The following LRP1B variants were observed in gnomAD, a reference collection of about 807,000 sequenced individuals.
LRP1B encodes the protein LDL receptor related protein 1B, also known as low-density lipoprotein receptor-related protein 1B.
LRP1B carries 217 observed loss-of-function variants against 556.6 expected under a neutral mutation model. The observed-to-expected ratio is 0.39, with a 90% CI of 0.35 to 0.44. LRP1B has a LOEUF of 0.44. Ranked by LOEUF, LRP1B falls within the 20% of genes least tolerant of loss-of-function variation. The pLI, the probability that LRP1B is intolerant of heterozygous loss-of-function variation, is 1.00. For missense variants in LRP1B, 5,053 were observed against 5,620.8 expected (o/e 0.90, Z 3.23); for synonymous variants, 2,047 against 1,865.8 (o/e 1.10, Z -2.50).
rs181280538 is a variant in LRP1B at position 140,911,657 on chromosome 2, A to G, written c.3320-3580T>C. 1.6e-3 allele frequency among the ~76,000 whole-genome samples: 249 copies of G among 151,918 alleles called. 1 individual carries two copies. The highest frequency in any genetic ancestry group is 5.5e-3 in the African/African-American group (227 of 41,562). ...AGAAAAGATCAATGCATAATATATCATTGTAGTCTAAAATATGACATTCTA... is the reference window on the plus strand; with the variant it reads ...AGAAAAGATCAATGCATAATATATCGTTGTAGTCTAAAATATGACATTCTA... On this transcript the variant is annotated intron_variant, in intron 21 of 90. Transcript: ENST00000389484.
chr2:141,214,274 A>G (rs1371696842), intron 6 of LRP1B, among the ~76,000 whole-genome samples: 3 of 152,198 alleles, frequency 2.0e-5, no homozygotes, highest in Admixed American at 1.3e-4. Flanking sequence ...ATTGTTTAAC[A>G]TAATTTATCT....
intron 1 of LRP1B, among the ~76,000 whole-genome samples, chr2:142,121,490 A>G (rs531635692): frequency 1.1e-3 from 169 of 152,232 alleles, no homozygotes; most frequent in Admixed American, 3.7e-3. Flanking sequence ...CTTTCTTTAA[A>G]ATACCAAAAT....
intron 18 of LRP1B, among the ~76,000 whole-genome samples, chr2:140,976,031 C>A (rs537102852): frequency 1.3e-5 from 2 of 152,130 alleles, no homozygotes; most frequent in African/African-American, 4.8e-5. Context: ...GATCATACCA[C>A]CTTAGCCTCC....
intron 41 of LRP1B, among the ~76,000 whole-genome samples, chr2:140,643,183 A>T (rs1000841243): frequency 6.6e-6 from 1 of 152,166 alleles, no homozygotes; most frequent in Admixed American, 6.5e-5. Flanking sequence ...CAGAAAAAAA[A>T]ATGTATATAT....
chr2:141,654,490 C>T (rs911273593), intron 2 of LRP1B, among the ~76,000 whole-genome samples: 1 of 152,104 alleles, frequency 6.6e-6, no homozygotes, highest in Non-Finnish European at 1.5e-5. Flanking sequence ...CTGGAGCAGA[C>T]TCAGGGTCTG....
At chr2:140,900,947 C>A (rs1049153114) in intron 23 of LRP1B, among the ~76,000 whole-genome samples, 1 of 152,092 alleles carries the variant, frequency 6.6e-6, no homozygotes, top group Non-Finnish European at 1.5e-5. Flanking sequence ...GTGAAAGAAA[C>A]AAAATGAATA....
intron 1 of LRP1B, among the ~76,000 whole-genome samples, chr2:141,996,987 T>C (rs1702509890): frequency 6.6e-6 from 1 of 152,132 alleles, no homozygotes; most frequent in Admixed American, 6.5e-5. Context: ...TTATCACCTG[T>C]AGAAGTGGGA....
At chr2:141,368,057 G>A (rs72979097) in intron 3 of LRP1B, among the ~76,000 whole-genome samples, 9,409 of 151,954 alleles carry the variant, frequency 0.062, 405 homozygotes, top group African/African-American at 0.11. Context: ...AGATTTTTCC[G>A]TTTGCTACTA....
chr2:140,733,566 G>A (rs1427753754), intron 35 of LRP1B, among the ~76,000 whole-genome samples: 1 of 152,090 alleles, frequency 6.6e-6, no homozygotes, highest in African/African-American at 2.4e-5. Flanking sequence ...GCAAAAACAG[G>A]AGGGATGTCA....
intron 2 of LRP1B, among the ~76,000 whole-genome samples, chr2:141,622,603 C>T (rs1476367329): frequency 1.3e-5 from 2 of 152,170 alleles, no homozygotes; most frequent in Non-Finnish European, 2.9e-5. Flanking sequence ...TATTCCAGGA[C>T]TATGTAAGAA....
intron 43 of LRP1B, among the ~76,000 whole-genome samples, chr2:140,582,199 AATAAT>A (rs1382291324): frequency 6.6e-6 from 1 of 152,180 alleles, no homozygotes; most frequent in African/African-American, 2.4e-5. Flanking sequence ...AGTAGACTAC[AATAAT>A]TATTCTCAAT....
Position 141,987,604 on chromosome 2 carries a change from A to AG in LRP1B, c.82+143043dup, listed in dbSNP as rs144873052. Among the ~76,000 whole-genome samples the AG allele has an allele frequency of 1.5e-3, 202 of 130,652 alleles. 1 individual carries two copies. In the East Asian group the frequency reaches 0.02, roughly 13 times the overall value. 85.7% of individuals were successfully genotyped at this position (130,652 alleles called of 152,430 possible). A position where few individuals can be genotyped will look rare whatever the true frequency, so the allele number is the denominator to read the frequency against. On this transcript the variant is annotated intron_variant, in intron 1 of 90. Coordinates refer to ENST00000389484, the MANE Select transcript of LRP1B (RefSeq NM_018557.3). ...TTCTCTCTTTGTGTCTGTAGAGCTT[A>AG]GGGTTTGGGAGGGAATGAATTCAGC...
intron 89 of LRP1B, among the ~76,000 whole-genome samples, chr2:140,235,803 T>C (rs1558915996): frequency 6.6e-6 from 1 of 150,404 alleles, no homozygotes; most frequent in Non-Finnish European, 1.5e-5. Flanking sequence ...ATAAAAATGA[T>C]GAGGAAAAAA....
intron 3 of LRP1B, among the ~76,000 whole-genome samples, chr2:141,371,125 AG>A (rs1689216999): frequency 6.6e-6 from 1 of 152,140 alleles, no homozygotes; most frequent in South Asian, 2.1e-4. Flanking sequence ...CTGGGATTAC[AG>A]GCATGCACCA....
intron 1 of LRP1B, among the ~76,000 whole-genome samples, chr2:142,109,850 A>G (rs1025889455): frequency 8.5e-5 from 13 of 152,166 alleles, no homozygotes; most frequent in Non-Finnish European, 1.5e-4. Context: ...GTTTTTCCCA[A>G]TGAGGAGGAA....
intron 2 of LRP1B, among the ~76,000 whole-genome samples, chr2:141,597,420 A>T (rs984737572): frequency 6.6e-6 from 1 of 152,056 alleles, no homozygotes; most frequent in Non-Finnish European, 1.5e-5. Context: ...TGGCCTTCCC[A>T]GTTAAGCACA....
chr2:141,230,650 C>A (rs907317147), intron 5 of LRP1B, among the ~76,000 whole-genome samples: 11 of 152,198 alleles, frequency 7.2e-5, no homozygotes, highest in Non-Finnish European at 1.6e-4. Flanking sequence ...GTTCGTCTCA[C>A]TCCAGACACA....
At chr2:141,027,759 T>C (rs1477366441) in intron 11 of LRP1B, among the ~76,000 whole-genome samples, 1 of 152,080 alleles carries the variant, frequency 6.6e-6, no homozygotes, top group African/African-American at 2.4e-5. Context: ...AATGTGAAAA[T>C]ATTTGGGGGT....
At chr2:142,123,141 C>A (rs1269206425) in intron 1 of LRP1B, among the ~76,000 whole-genome samples, 1 of 152,022 alleles carries the variant, frequency 6.6e-6, no homozygotes, top group Non-Finnish European at 1.5e-5. Context: ...ACACCTACAG[C>A]TTTTCTTTCT....
Sources: gnomAD v4.1 joint callset for allele counts (sites outside exome capture counted in the v4.1 genomes callset) on GRCh38, gnomAD v4.1.1 for gene constraint, MANE v1.5 for transcripts, NCBI Gene and HGNC (gene_info 2026-07-23, HGNC 2026-07-21) for gene names.